CELF1: variants seen among roughly 807,000 people sequenced by gnomAD.
The protein encoded by CELF1 is 50 kDa nuclear polyadenylated RNA-binding protein.
In CELF1, 10 loss-of-function variants were observed where a neutral mutation model predicts 61.8. The ratio of observed to expected loss-of-function variants is 0.16; its 90% CI spans 0.10 to 0.27. The LOEUF is 0.27. Among genes scored for constraint, CELF1 ranks in the 10% least tolerant of loss-of-function variants. CELF1 has a pLI of 1.00. For missense variants in CELF1, 380 were observed against 639.1 expected (o/e 0.59, Z 4.37); for synonymous variants, 236 against 225.1 (o/e 1.05, Z -0.43).
chr11:47,492,972 C>T lies in CELF1; in HGVS notation c.72-3948G>A, dbSNP rs1405216717. ...ATCTGTATTACGGAGGCAACTGCTC[C>T]CAGATTGCCCCTTCCCTCTGTTGTT... On this transcript the variant is annotated intron_variant, in intron 3 of 14. Transcript: ENST00000687097. Among the ~76,000 whole-genome samples, 6 of 152,092 alleles carry T rather than the reference C, an allele frequency of 3.9e-5. No individual in the cohort carries two copies. The South Asian group carries it at 6.2e-4, about 16-fold the overall frequency.
At position 47,473,188 on chromosome 11, in the gene CELF1, C is replaced by G. The variant is rs1305202941; in HGVS notation, c.1317G>C (p.Glu439Asp). 6.2e-7 allele frequency: 1 copy of G among 1,614,218 alleles called. No homozygotes were observed. The highest frequency in any genetic ancestry group is 8.5e-7 in the Non-Finnish European group (1 of 1,180,036). The change falls in exon 14 of 15, where the codon GAG (glutamate) becomes GAC (aspartate). Residue 439 changes from glutamate (E) to aspartate (D), a missense_variant. Physicochemically the swap from Glu to Asp is conservative, Grantham distance 45. Transcript: ENST00000687097. ...ANLFIYHLPQ[E>D]FGDQDLLQMF... ...TCTGCAGCAGGTCCTGATCACCAAA[C>G]TCCTGGGGCAGGTGGTAGATGAACA...
chr11:47,510,637 C>T (rs2095056915), intron 1 of CELF1, among the ~76,000 whole-genome samples: 1 of 152,008 alleles, frequency 6.6e-6, no homozygotes, highest in African/African-American at 2.4e-5. Context: ...CAGGTGTGCA[C>T]CACCACGCCC....
At chr11:47,505,227 A>G (rs2094384058) in intron 1 of CELF1, among the ~76,000 whole-genome samples, 1 of 151,210 alleles carries the variant, frequency 6.6e-6, no homozygotes, top group Non-Finnish European at 1.5e-5. Flanking sequence ...CACCCTTCCA[A>G]TCAAGTCATA....
intron 6 of CELF1, among the ~76,000 whole-genome samples, chr11:47,484,840 G>A (rs1565782323): frequency 1.3e-5 from 2 of 152,004 alleles, no homozygotes; most frequent in Non-Finnish European, 2.9e-5. Flanking sequence ...CAAAATGCCT[G>A]GCTAATTTTG....
intron 9 of CELF1, among the ~76,000 whole-genome samples, chr11:47,482,207 AAAAT>A (rs55860292): frequency 2.3e-4 from 35 of 150,314 alleles, no homozygotes; most frequent in East Asian, 1.8e-3. Context: ...TCCGTCTCAA[AAAAT>A]AAATAAATAA....
chr11:47,492,491 A>G (rs946505770), intron 3 of CELF1, among the ~76,000 whole-genome samples: 4 of 152,188 alleles, frequency 2.6e-5, no homozygotes, highest in African/African-American at 9.6e-5. Context: ...CAACTGTGGG[A>G]GGCCGAGGCA....
At chr11:47,537,496 C>A (rs190044445) in intron 1 of CELF1, among the ~76,000 whole-genome samples, 2 of 152,128 alleles carry the variant, frequency 1.3e-5, no homozygotes, top group Admixed American at 1.3e-4. Flanking sequence ...ATCCACCCGA[C>A]TCAGTCTCCC....
chr11:47,523,369 G>A (rs939789112), intron 1 of CELF1: 3 of 152,082 alleles, frequency 2.0e-5, no homozygotes, highest in African/African-American at 7.2e-5. Context: ...AAAATGAGAA[G>A]GGCACTAAGA....
Position 47,482,728 on chromosome 11 carries a change from A to T in CELF1, c.735T>A (p.Ala245=), listed in dbSNP as rs1310809579. Residue 245 remains alanine, a synonymous_variant, in exon 9 of 15, where the codon GCT becomes GCA. Coordinates refer to ENST00000687097, the MANE Select transcript of CELF1 (RefSeq NM_001376376.1). ...ISAASVWGNL[A]GLNTLGPQYL... ...ACTGGGGTCCAAGAGTATTTAGACC[A>T]GCAAGGTTTCCCCACACAGATGCTG... The T allele has an allele frequency of 6.2e-7, 1 of 1,614,120 alleles. No homozygotes were observed. Among genetic ancestry groups the T allele is most frequent in the South Asian group, 1.1e-5 (1 of 91,074 alleles).
chr11:47,493,523 A>G (rs1596746759), intron 3 of CELF1, among the ~76,000 whole-genome samples: 1 of 151,142 alleles, frequency 6.6e-6, no homozygotes, highest in Non-Finnish European at 1.5e-5. Flanking sequence ...GAAAAAAAAA[A>G]AAAAAAAAAA....
chr11:47,483,222 C>A, intron 8 of CELF1, among the ~76,000 whole-genome samples: 1 of 152,068 alleles, frequency 6.6e-6, no homozygotes, highest in African/African-American at 2.4e-5. Context: ...CCATGATATT[C>A]CCACTGCACT....
chr11:47,543,753 C>T (rs544995044), intron 1 of CELF1, among the ~76,000 whole-genome samples: 3 of 144,212 alleles, frequency 2.1e-5, no homozygotes, highest in Non-Finnish European at 4.5e-5. Context: ...CTGTCCCCAC[C>T]CCGTCTCTAA....
intron 1 of CELF1, chr11:47,523,233 CAG>C (rs2096048749): frequency 1.3e-5 from 2 of 152,140 alleles, no homozygotes; most frequent in Admixed American, 6.5e-5. Context: ...GTGTGCTAAT[CAG>C]AGTGTCACTT....
chr11:47,500,522 A>G lies in CELF1; in HGVS notation c.-82+339T>C, dbSNP rs572993713. On this transcript the variant is annotated intron_variant, in intron 2 of 14. Transcript: ENST00000687097. ...GAACAAAAGCCACTTTAGTGATAAT[A>G]ATGAAAAAGAACTAGGGCCTACCAG... is the stretch of plus-strand genomic sequence containing the variant. 3.3e-5 allele frequency among the ~76,000 whole-genome samples: 5 copies of G among 152,334 alleles called. No homozygotes were observed. In the South Asian group the frequency reaches 1.0e-3, roughly 32 times the overall value.
intron 1 of CELF1, among the ~76,000 whole-genome samples, chr11:47,525,394 CAAT>C (rs1274483064): frequency 1.3e-5 from 2 of 152,166 alleles, no homozygotes; most frequent in Non-Finnish European, 2.9e-5. Context: ...AATTTTCCAA[CAAT>C]AAGAAATGCA....
intron 3 of CELF1, 134 bp from the exon 4 acceptor site, chr11:47,489,158 C>T (rs575107668): frequency 7.0e-5 from 54 of 772,732 alleles, no homozygotes; most frequent in Non-Finnish European, 1.0e-4. Context: ...TACTTCCATT[C>T]AGTTTACCAG....
chr11:47,470,736 CTGTGG>C lies in CELF1; in HGVS notation c.*1489_*1493del. 1 of 152,222 alleles carries C rather than the reference CTGTGG, an allele frequency of 6.6e-6. No individual in the cohort carries two copies. Among genetic ancestry groups the C allele is most frequent in the Non-Finnish European group, 1.5e-5 (1 of 68,058 alleles). 9.4% of individuals were successfully genotyped at this position (152,222 alleles called of 1,614,324 possible). On this transcript the variant is annotated 3_prime_UTR_variant, in exon 15 of 15. Coordinates refer to ENST00000687097, the MANE Select transcript of CELF1 (RefSeq NM_001376376.1). ...AGAGACCCAGGGATCCCATCCCTGG[CTGTGG>C]CTACAGTCACATCTTAACAGGGCCA...
rs189229723 is a variant in CELF1 at position 47,471,566 on chromosome 11, G to C, written c.*664C>G. 2.0e-5 allele frequency: 3 copies of C among 152,276 alleles called. No individual in the cohort carries two copies. In the East Asian group the frequency reaches 5.8e-4, roughly 29 times the overall value. The allele number at this position is 152,276 out of a possible 1,614,324, so 9.4% of individuals were successfully genotyped here. On this transcript the variant is annotated 3_prime_UTR_variant, in exon 15 of 15. Transcript: ENST00000687097. ...ACAGGTGCTTTATTTCCAGAGAATT[G>C]TTAATGCCCTTTTTTGAAAAGAGCA...
chr11:47,536,563 G>A (rs1598277063), intron 1 of CELF1, among the ~76,000 whole-genome samples: 1 of 151,596 alleles, frequency 6.6e-6, no homozygotes, highest in East Asian at 2.0e-4. Context: ...GGAGTTGGAG[G>A]TCAGCCTAGC....
Sources: gnomAD v4.1 joint callset for allele counts (sites outside exome capture counted in the v4.1 genomes callset) on GRCh38, gnomAD v4.1.1 for gene constraint, MANE v1.5 for transcripts, NCBI Gene and HGNC (gene_info 2026-07-23, HGNC 2026-07-21) for gene names.